VSTM4: variants seen among roughly 807,000 people sequenced by gnomAD.
VSTM4 encodes the protein V-set and transmembrane domain containing 4, also known as V-set and transmembrane domain-containing protein 4.
A neutral mutation model predicts 36.4 loss-of-function variants in VSTM4; 20 were observed. That is an observed-to-expected ratio of 0.55 (90% confidence interval 0.39 to 0.80). The LOEUF is 0.80. VSTM4 is among the 30% of genes least tolerant of loss of function. VSTM4 has a pLI of 0.00. For synonymous variants in VSTM4, 182 were observed against 173.9 expected (o/e 1.05, Z -0.37); for missense variants, 392 against 404.5 (o/e 0.97, Z 0.26).
intron 2 of VSTM4, among the ~76,000 whole-genome samples, chr10:49,106,782 C>T (rs755768482): frequency 6.6e-6 from 1 of 152,252 alleles, no homozygotes; most frequent in African/African-American, 2.4e-5. Flanking sequence ...CAAACTCCAG[C>T]CGGGCTCCTC....
rs201829955 is a variant in VSTM4, at chr10:49,110,455, AT to A, written c.56-2461del. Among the ~76,000 whole-genome samples, 777 of 152,140 alleles carry A rather than the reference AT, an allele frequency of 5.1e-3. 7 individuals are homozygous for A. Among genetic ancestry groups the A allele is most frequent in the African/African-American group, 0.018 (746 of 41,498 alleles). On this transcript the variant is annotated intron_variant, in intron 1 of 7. Transcript: ENST00000332853. The stretch of plus-strand genomic sequence containing the variant: ...TTTATAGGCGCACCTCCCTGCCTTC[AT>A]TTTGCCCCATATTCTCTTACAAATG...
intron 7 of VSTM4, among the ~76,000 whole-genome samples, chr10:49,031,150 ACT>A (rs933186821): frequency 2.0e-5 from 3 of 152,200 alleles, no homozygotes; most frequent in Non-Finnish European, 4.4e-5. Flanking sequence ...AGACTTGAAC[ACT>A]CTCAATATTC....
rs190526947 is a variant in VSTM4 at position 49,075,619 on chromosome 10, C to T, written c.634+1600G>A. Among the ~76,000 whole-genome samples the T allele has an allele frequency of 3.3e-5, 5 of 152,352 alleles. No homozygotes were observed. The East Asian group carries it at 5.8e-4, about 18-fold the overall frequency. ...GGGAGGTGGGTATTGCAGGGGAAGG[C>T]CCTGGAGCTGGCTTTGAAGGACAGC... is the stretch of plus-strand genomic sequence containing the variant. On this transcript the variant is annotated intron_variant, in intron 4 of 7. Coordinates refer to ENST00000332853, the MANE Select transcript of VSTM4 (RefSeq NM_001031746.5).
At chr10:49,071,962 T>C (rs1008653180) in intron 4 of VSTM4, among the ~76,000 whole-genome samples, 7 of 152,224 alleles carry the variant, frequency 4.6e-5, no homozygotes, top group African/African-American at 1.4e-4. Flanking sequence ...CAGTAGTGTA[T>C]AGATGTACTA....
chr10:49,060,836 T>A (rs773835925), intron 5 of VSTM4, among the ~76,000 whole-genome samples: 4 of 152,192 alleles, frequency 2.6e-5, no homozygotes, highest in African/African-American at 4.8e-5. Flanking sequence ...TTAGTTAATT[T>A]TGGAGGCAAT....
chr10:49,061,623 T>C (rs145169689), intron 5 of VSTM4, among the ~76,000 whole-genome samples: 4 of 152,346 alleles, frequency 2.6e-5, no homozygotes, highest in Admixed American at 6.5e-5. Flanking sequence ...GCCTTTATCA[T>C]CTAATGTCCA....
intron 5 of VSTM4, among the ~76,000 whole-genome samples, chr10:49,050,475 G>A (rs545836104): frequency 2.8e-4 from 42 of 152,264 alleles, no homozygotes; most frequent in Admixed American, 1.0e-3. Flanking sequence ...TGAATCACAC[G>A]TTGTGGGATA....
At chr10:49,050,772 G>A (rs559607215) in intron 5 of VSTM4, among the ~76,000 whole-genome samples, 10 of 152,220 alleles carry the variant, frequency 6.6e-5, no homozygotes, top group East Asian at 3.9e-4. Flanking sequence ...ATGCATGCTC[G>A]TGTTTAAAAA....
chr10:49,029,344 A>G (rs928222303), intron 7 of VSTM4, among the ~76,000 whole-genome samples: 1 of 152,262 alleles, frequency 6.6e-6, no homozygotes, highest in Non-Finnish European at 1.5e-5. Flanking sequence ...TTTCCAAAAC[A>G]AAGGACATAA....
At chr10:49,058,507 G>A (rs909001214) in intron 5 of VSTM4, among the ~76,000 whole-genome samples, 1 of 152,108 alleles carries the variant, frequency 6.6e-6, no homozygotes, top group Non-Finnish European at 1.5e-5. Flanking sequence ...TCCCTGAGAC[G>A]CTTACTCAGG....
intron 1 of VSTM4, among the ~76,000 whole-genome samples, chr10:49,112,568 TG>T (rs1190574628): frequency 6.6e-6 from 1 of 152,238 alleles, no homozygotes. Flanking sequence ...TTGCATGCCC[TG>T]AGACTGGGGA....
In VSTM4 at chr10:49,033,515, T is replaced by C. The variant is rs148518574; in HGVS notation, c.837+13468A>G. Among the ~76,000 whole-genome samples the C allele has an allele frequency of 2.0e-3, 303 of 152,366 alleles. 1 individual carries two copies. Among genetic ancestry groups the C allele is most frequent in the African/African-American group, 6.7e-3 (279 of 41,588 alleles). ...TAGAGGAATAATTTCACTTTCTATT[T>C]TAACAAATGGAGATTCTGATTGCCG... On this transcript the variant is annotated intron_variant, in intron 7 of 7. Transcript: ENST00000332853.
intron 7 of VSTM4, among the ~76,000 whole-genome samples, chr10:49,033,277 A>G (rs4012668): frequency 0.059 from 9,023 of 152,252 alleles, 280 homozygotes; most frequent in Middle Eastern, 0.12. Context: ...ATGAGAAAAC[A>G]ATTCAACCTG....
Position 49,018,987 on chromosome 10 carries a change from G to A in VSTM4, c.*663C>T, listed in dbSNP as rs1241937876. On this transcript the variant is annotated 3_prime_UTR_variant, in exon 8 of 8. Transcript: ENST00000332853. ...TTGTGAAAGGGCTGGAAGCCCTCTA[G>A]AATGGTGTTCTTCTTGTCCTGCGGC... The A allele has an allele frequency of 6.6e-6, 1 of 152,346 alleles. No individual in the cohort carries two copies. Among genetic ancestry groups the A allele is most frequent in the African/African-American group, 2.4e-5 (1 of 41,484 alleles). The allele number at this position is 152,346 out of a possible 1,614,324, so 9.4% of individuals were successfully genotyped here.
chr10:49,096,767 G>T (rs1159298578), intron 2 of VSTM4, among the ~76,000 whole-genome samples: 1 of 151,780 alleles, frequency 6.6e-6, no homozygotes, highest in East Asian at 1.9e-4. Flanking sequence ...TGATTCTCCT[G>T]CCTCAGCCTG....
chr10:49,103,458 C>T, intron 2 of VSTM4: 1 of 984,170 alleles, frequency 1.0e-6, no homozygotes, highest in Non-Finnish European at 1.2e-6. Context: ...TTATTTTCTT[C>T]TTTAAACCCT....
Position 49,015,014 on chromosome 10 carries a change from T to C in VSTM4, c.*4636A>G, listed in dbSNP as rs766614311. 1.3e-5 allele frequency: 2 copies of C among 152,272 alleles called. No individual in the cohort carries two copies. Among genetic ancestry groups the C allele is most frequent in the Non-Finnish European group, 2.9e-5 (2 of 68,104 alleles). 9.4% of individuals were successfully genotyped at this position (152,272 alleles called of 1,614,324 possible). A position where few individuals can be genotyped will look rare whatever the true frequency, so the allele number is the denominator to read the frequency against. ...ATGTTTCCAACAGTTTACATCCTTG[T>C]CACTCAAAGTGTGGTTCAGGGACCA... On this transcript the variant is annotated 3_prime_UTR_variant, in exon 8 of 8. Coordinates refer to ENST00000332853, the MANE Select transcript of VSTM4 (RefSeq NM_001031746.5).
intron 2 of VSTM4, chr10:49,103,929 C>G (rs566518255): frequency 4.1e-5 from 54 of 1,320,192 alleles, no homozygotes; most frequent in Non-Finnish European, 5.6e-5. Context: ...GTGGGGGGCA[C>G]TCAAACCCCC....
chr10:49,020,320 T>C (rs888254673), intron 7 of VSTM4, among the ~76,000 whole-genome samples: 6 of 152,130 alleles, frequency 3.9e-5, no homozygotes, highest in Non-Finnish European at 7.4e-5. Context: ...CTGAAATACT[T>C]ATGCTAAATA....
Sources: allele counts gnomAD v4.1 joint callset (sites outside exome capture counted in the v4.1 genomes callset), GRCh38; gene constraint gnomAD v4.1.1; transcripts MANE v1.5; gene names NCBI Gene and HGNC (gene_info 2026-07-23, HGNC 2026-07-21).